Variants in TSHZ2 observed in about 807,000 individuals in gnomAD.
The protein encoded by TSHZ2 is teashirt zinc finger homeobox 2.
In TSHZ2, 21 loss-of-function variants were observed where a neutral mutation model predicts 74.4. The ratio of observed to expected loss-of-function variants is 0.28; its 90% CI spans 0.20 to 0.41. The LOEUF (loss-of-function observed/expected upper bound fraction) is 0.41, where lower values mean the gene tolerates loss of function less well. Among genes scored for constraint, TSHZ2 ranks in the 10% least tolerant of loss-of-function variants. TSHZ2 has a pLI of 1.00. For missense variants in TSHZ2, 1,244 were observed against 1,293.5 expected (o/e 0.96, Z 0.59); for synonymous variants, 540 against 515.3 (o/e 1.05, Z -0.65).
chr20:53,430,654 A>T (rs535503286), intron 2 of TSHZ2, among the ~76,000 whole-genome samples: 1 of 152,070 alleles, frequency 6.6e-6, no homozygotes, highest in South Asian at 2.1e-4. Context: ...ACATAGTGAG[A>T]CCCCATCTCT....
chr20:53,489,587 T>C lies in TSHZ2; in HGVS notation c.*2452T>C, dbSNP rs1192820126. The C allele has an allele frequency of 1.9e-5, 3 of 160,044 alleles. No homozygotes were observed. The highest frequency in any genetic ancestry group is 7.2e-5 in the African/African-American group (3 of 41,692). 9.9% of individuals were successfully genotyped at this position (160,044 alleles called of 1,614,324 possible). A position where few individuals can be genotyped will look rare whatever the true frequency, so the allele number is the denominator to read the frequency against. On this transcript the variant is annotated 3_prime_UTR_variant, in exon 3 of 3. Transcript: ENST00000371497. Reference sequence around the variant, plus strand: ...AATTCCCAATTCCATGGAAATTGTTTCCCTTCTAAGGAAGAAAAAATAAAT... The same window carrying C: ...AATTCCCAATTCCATGGAAATTGTTCCCCTTCTAAGGAAGAAAAAATAAAT...
At chr20:53,052,065 A>T (rs558374229) in intron 1 of TSHZ2, among the ~76,000 whole-genome samples, 1 of 152,306 alleles carries the variant, frequency 6.6e-6, no homozygotes, top group African/African-American at 2.4e-5. Context: ...GCATGGTTGT[A>T]CCACCAGTCT....
chr20:52,990,117 AT>A (rs1256764987), intron 1 of TSHZ2, among the ~76,000 whole-genome samples: 10 of 152,038 alleles, frequency 6.6e-5, no homozygotes, highest in South Asian at 2.1e-4. Flanking sequence ...ATTGGTGGTA[AT>A]TTTTACAATC....
At chr20:52,984,993 G>A (rs887323876) in intron 1 of TSHZ2, among the ~76,000 whole-genome samples, 1 of 152,252 alleles carries the variant, frequency 6.6e-6, no homozygotes, top group Non-Finnish European at 1.5e-5. Context: ...TCAGTCTATC[G>A]TTCTCTGAGC....
At chr20:53,011,869 T>A (rs925008488) in intron 1 of TSHZ2, among the ~76,000 whole-genome samples, 4 of 152,186 alleles carry the variant, frequency 2.6e-5, no homozygotes, top group Admixed American at 6.5e-5. Context: ...CCCATCTGCC[T>A]TCCCAATAGG....
At chr20:53,175,134 T>TC (rs754337638) in intron 1 of TSHZ2, among the ~76,000 whole-genome samples, 7 of 81,974 alleles carry the variant, frequency 8.5e-5, no homozygotes, top group African/African-American at 3.0e-4. Flanking sequence ...CTTCTTTCTT[T>TC]TTTTTTTTTT....
intron 1 of TSHZ2, among the ~76,000 whole-genome samples, chr20:53,014,713 C>A (rs1339420025): frequency 6.6e-6 from 1 of 152,150 alleles, no homozygotes; most frequent in African/African-American, 2.4e-5. Context: ...TTATAACCCA[C>A]TTTTTCTTGG....
At chr20:53,185,021 G>A (rs996905514) in intron 1 of TSHZ2, among the ~76,000 whole-genome samples, 2 of 152,176 alleles carry the variant, frequency 1.3e-5, no homozygotes, top group Admixed American at 6.5e-5. Flanking sequence ...TATTCTTCCA[G>A]TTATGCCATA....
At chr20:53,103,363 T>C (rs956461435) in intron 1 of TSHZ2, among the ~76,000 whole-genome samples, 2 of 152,218 alleles carry the variant, frequency 1.3e-5, no homozygotes, top group African/African-American at 4.8e-5. Context: ...AAACAACCTC[T>C]GATGGTATGT....
intron 1 of TSHZ2, among the ~76,000 whole-genome samples, chr20:53,143,977 CTGAT>C: frequency 6.6e-6 from 1 of 152,014 alleles, no homozygotes; most frequent in South Asian, 2.1e-4. Context: ...ATGGGGAGTG[CTGAT>C]TGATAAGTTT....
chr20:53,177,212 C>A (rs1296929058), intron 1 of TSHZ2, among the ~76,000 whole-genome samples: 1 of 152,176 alleles, frequency 6.6e-6, no homozygotes, highest in Non-Finnish European at 1.5e-5. Flanking sequence ...ACCTACCTGC[C>A]TTACCAGGGG....
chr20:53,106,658 A>T (rs1175239672), intron 1 of TSHZ2, among the ~76,000 whole-genome samples: 1 of 150,212 alleles, frequency 6.7e-6, no homozygotes, highest in Non-Finnish European at 1.5e-5. Context: ...CCGGCCTCCC[A>T]AAGTGCTGGG....
At chr20:53,022,906 G>T (rs1392157370) in intron 1 of TSHZ2, among the ~76,000 whole-genome samples, 1 of 152,102 alleles carries the variant, frequency 6.6e-6, no homozygotes, top group East Asian at 1.9e-4. Flanking sequence ...ACATGAATAG[G>T]TCCAATGGTT....
intron 1 of TSHZ2, among the ~76,000 whole-genome samples, chr20:53,124,301 G>A (rs912194035): frequency 2.0e-4 from 30 of 152,170 alleles, no homozygotes; most frequent in African/African-American, 6.0e-4. Flanking sequence ...GCTTCTGTTG[G>A]GCAATTTGGG....
At chr20:53,288,410 CAA>C (rs11475652) in intron 2 of TSHZ2, among the ~76,000 whole-genome samples, 2,171 of 126,954 alleles carry the variant, frequency 0.017, 49 homozygotes, top group African/African-American at 0.053. Context: ...GACTCCGTTT[CAA>C]AAAAAAAAAA....
chr20:53,468,904 A>G (rs1985647707), intron 2 of TSHZ2, among the ~76,000 whole-genome samples: 1 of 150,200 alleles, frequency 6.7e-6, no homozygotes, highest in Non-Finnish European at 1.5e-5. Context: ...GCCGACTATC[A>G]TGATCATGTC....
At chr20:53,370,113 C>G (rs1474414471) in intron 2 of TSHZ2, among the ~76,000 whole-genome samples, 2 of 152,140 alleles carry the variant, frequency 1.3e-5, no homozygotes, top group Non-Finnish European at 2.9e-5. Flanking sequence ...CAGCCATCCT[C>G]TGTTCCAGAC....
At chr20:53,239,901 A>G (rs73272877) in intron 1 of TSHZ2, among the ~76,000 whole-genome samples, 2,363 of 152,290 alleles carry the variant, frequency 0.016, 53 homozygotes, top group African/African-American at 0.055. Context: ...AGTAACGGCT[A>G]TACAAAACTA....
chr20:53,021,340 A>G (rs1349883386), intron 1 of TSHZ2, among the ~76,000 whole-genome samples: 1 of 152,194 alleles, frequency 6.6e-6, no homozygotes, highest in Non-Finnish European at 1.5e-5. Flanking sequence ...CTACTGAATC[A>G]GAAACCATGA....
Sources: allele counts gnomAD v4.1 joint callset (sites outside exome capture counted in the v4.1 genomes callset), GRCh38; gene constraint gnomAD v4.1.1; transcripts MANE v1.5; gene names NCBI Gene and HGNC (gene_info 2026-07-23, HGNC 2026-07-21).